The following NPRL3 variants were observed in gnomAD, a reference collection of about 807,000 sequenced individuals.
NPRL3 encodes NPR3 like, GATOR1 complex subunit.
A neutral mutation model predicts 57.2 loss-of-function variants in NPRL3; 23 were observed. The ratio of observed to expected loss-of-function variants is 0.40; its 90% CI spans 0.29 to 0.57. NPRL3 has a LOEUF of 0.57. Ranked by LOEUF, NPRL3 falls within the 20% of genes least tolerant of loss-of-function variation. The probability of loss-of-function intolerance (pLI) is 0.42; values close to 1 mark genes in which losing one functional copy is unlikely to be tolerated. For missense variants in NPRL3, 691 were observed against 767.1 expected (o/e 0.90, Z 1.17); for synonymous variants, 333 against 321.1 (o/e 1.04, Z -0.39).
chr16:110,399 C>A (rs974998852), intron 7 of NPRL3, 126 bp downstream of exon 7: 4 of 658,042 alleles, frequency 6.1e-6, no homozygotes, highest in Non-Finnish European at 1.1e-5. Context: ...CTCAGGGAAC[C>A]CTGATGCTCA....
intron 11 of NPRL3, 132 bp from the exon 12 acceptor site, chr16:90,034 C>G: frequency 2.3e-6 from 2 of 872,102 alleles, no homozygotes; most frequent in South Asian, 3.7e-5. Context: ...AGGCCCTCTT[C>G]TCAGAAAGGG....
At chr16:103,304 T>C (rs1899385309) in intron 7 of NPRL3, among the ~76,000 whole-genome samples, 12 of 95,260 alleles carry the variant, frequency 1.3e-4, no homozygotes, top group Admixed American at 5.2e-4. Flanking sequence ...TGATTTTTTT[T>C]TTTTTTTTTT....
chr16:120,336 G>C (rs1168608075), intron 3 of NPRL3, among the ~76,000 whole-genome samples: 1 of 152,166 alleles, frequency 6.6e-6, no homozygotes, highest in Non-Finnish European at 1.5e-5. Context: ...AGACATTCTA[G>C]GGTGCAAACC....
intron 11 of NPRL3, chr16:90,764 GA>G (rs1898730056): frequency 1.3e-5 from 2 of 152,276 alleles, no homozygotes; most frequent in South Asian, 4.1e-4. Flanking sequence ...GGGAATGGGG[GA>G]TATATCCCAG....
chr16:119,258 T>G lies in NPRL3; in HGVS notation c.189-3A>C, dbSNP rs1900184532. The stretch of plus-strand genomic sequence containing the variant: ...TTGCCAGAATAACATCTGAAAACCT[T>G]AAAATTTAAGAGAGGTAGAATAAAA... On this transcript the variant is annotated splice_region_variant and splice_polypyrimidine_tract_variant and intron_variant, in intron 3 of 13. Coordinates refer to ENST00000611875, the MANE Select transcript of NPRL3 (RefSeq NM_001077350.3). The G allele has an allele frequency of 6.2e-7, 1 of 1,601,310 alleles. No homozygotes were observed. The highest frequency in any genetic ancestry group is 1.7e-5 in the Admixed American group (1 of 57,928).
intron 7 of NPRL3, among the ~76,000 whole-genome samples, chr16:102,238 G>A (rs1019885336): frequency 1.9e-4 from 29 of 152,258 alleles, no homozygotes; most frequent in East Asian, 1.9e-4. Flanking sequence ...CAACTCCACC[G>A]CTCACCACAA....
intron 2 of NPRL3, among the ~76,000 whole-genome samples, chr16:131,597 C>CAAAAAAA (rs59373757): frequency 7.2e-5 from 5 of 69,704 alleles, no homozygotes; most frequent in African/African-American, 1.0e-4. Flanking sequence ...GACTCAGTCT[C>CAAAAAAA]AAAAAAAAAA....
At chr16:138,043 T>C in intron 2 of NPRL3, 107 bp downstream of exon 2, 2 of 769,560 alleles carry the variant, frequency 2.6e-6, no homozygotes, top group Non-Finnish European at 4.3e-6. Context: ...CGAGCAGATC[T>C]CGAATGCCCA....
At chr16:132,244 G>C (rs558842162) in intron 2 of NPRL3, among the ~76,000 whole-genome samples, 1 of 152,288 alleles carries the variant, frequency 6.6e-6, no homozygotes, top group South Asian at 2.1e-4. Flanking sequence ...CCGGGCTCAA[G>C]TGATCCACCT....
intron 5 of NPRL3, among the ~76,000 whole-genome samples, chr16:116,028 T>C (rs1900018990): frequency 6.6e-6 from 1 of 152,232 alleles, no homozygotes; most frequent in African/African-American, 2.4e-5. Flanking sequence ...TGCTTGTTTT[T>C]CTTGATAATA....
rs2141950016 is a variant in NPRL3, at chr16:112,619, C to A, written c.547+3G>T. Reference sequence around the variant, plus strand: ...CATGCCCATCACGCCCTGCTGCACTCACCATCAGCCATGGCGGACACCTCA... The same window carrying A: ...CATGCCCATCACGCCCTGCTGCACTAACCATCAGCCATGGCGGACACCTCA... On this transcript the variant is annotated splice_donor_region_variant and intron_variant, in intron 6 of 13. Coordinates refer to ENST00000611875, the MANE Select transcript of NPRL3 (RefSeq NM_001077350.3). The A allele has an allele frequency of 1.3e-6, 2 of 1,573,344 alleles. No individual in the cohort carries two copies. The highest frequency in any genetic ancestry group is 2.3e-5 in the East Asian group (1 of 43,326).
rs752646070 is a variant in NPRL3, at chr16:89,894, G to A, written c.1170C>T (p.Leu390=). The A allele has an allele frequency of 1.5e-5, 23 of 1,549,326 alleles. No individual in the cohort carries two copies. In the South Asian group the frequency reaches 1.6e-4, roughly 10 times the overall value. ...PLAPAVQETQ[L]IQMVVWMLQR... ...GCAGCATCCACACCACCATCTGGAT[G>A]AGCTGGGTCTGCGGGTGGCAGCAGG... The change falls in exon 12 of 14, where the codon CTC becomes CTT. Residue 390 remains leucine, a synonymous_variant. Coordinates refer to ENST00000611875, the MANE Select transcript of NPRL3 (RefSeq NM_001077350.3).
chr16:135,011 A>C (rs570215430), intron 2 of NPRL3, among the ~76,000 whole-genome samples: 2 of 152,166 alleles, frequency 1.3e-5, no homozygotes, highest in African/African-American at 2.4e-5. Context: ...AAGTCACAGT[A>C]ATTATTATGG....
intron 9 of NPRL3, among the ~76,000 whole-genome samples, chr16:95,323 G>GTATATATATATA (rs1425173088): frequency 6.4e-4 from 21 of 32,882 alleles, no homozygotes; most frequent in African/African-American, 1.1e-3. Context: ...ATGTTTGTGT[G>GTATATATATATA]TGTATATATA....
intron 6 of NPRL3, among the ~76,000 whole-genome samples, chr16:111,930 T>A (rs912429699): frequency 6.6e-5 from 10 of 152,200 alleles, no homozygotes; most frequent in African/African-American, 2.4e-4. Context: ...AGATGGAGAG[T>A]TTGTTACAGG....
At chr16:119,716 G>A (rs971737736) in intron 3 of NPRL3, among the ~76,000 whole-genome samples, 16 of 152,234 alleles carry the variant, frequency 1.1e-4, no homozygotes, top group Admixed American at 7.2e-4. Flanking sequence ...AAAGAGCCGC[G>A]TGGAGGGCAA....
At chr16:93,106 G>GGCTT (rs1898832705) in intron 10 of NPRL3, 113 bp downstream of exon 10, 6 of 746,610 alleles carry the variant, frequency 8.0e-6, no homozygotes, top group Non-Finnish European at 1.4e-5. Flanking sequence ...CTGGCCTTGG[G>GGCTT]GCTTCCACAG....
At chr16:86,986 G>A in intron 13 of NPRL3, 116 bp from the exon 14 acceptor site, 1 of 1,113,068 alleles carries the variant, frequency 9.0e-7, no homozygotes, top group East Asian at 2.6e-5. Context: ...CAGAGCTGGT[G>A]GTGAAGGCCA....
At chr16:112,879 T>A in intron 5 of NPRL3, 104 bp from the exon 6 acceptor site, 1 of 1,133,364 alleles carries the variant, frequency 8.8e-7, no homozygotes, top group South Asian at 2.2e-5. Flanking sequence ...ACTCAAACCA[T>A]GAAAGAAAGC....
Sources: gnomAD v4.1 joint callset for allele counts (sites outside exome capture counted in the v4.1 genomes callset) on GRCh38, gnomAD v4.1.1 for gene constraint, MANE v1.5 for transcripts, NCBI Gene and HGNC (gene_info 2026-07-23, HGNC 2026-07-21) for gene names.